VWA3A: variants seen among roughly 807,000 people sequenced by gnomAD.
VWA3A encodes the protein von Willebrand factor A domain-containing protein 3A.
A neutral mutation model predicts 160.4 loss-of-function variants in VWA3A; 134 were observed. The observed-to-expected ratio is 0.84, with a 90% CI of 0.73 to 0.96. The LOEUF is 0.96. VWA3A is among the 40% of genes least tolerant of loss of function. VWA3A has a pLI of 0.00. For missense variants in VWA3A, 1,310 were observed against 1,447.9 expected, an observed-to-expected ratio of 0.90 and a Z score of 1.55; for synonymous variants, 476 against 543.4, an observed-to-expected ratio of 0.88 and a Z score of 1.72.
At chr16:22,154,106 A>C (rs993938667) in intron 31 of VWA3A, among the ~76,000 whole-genome samples, 1 of 152,090 alleles carries the variant, frequency 6.6e-6, no homozygotes, top group African/African-American at 2.4e-5. Context: ...TCTAGGGACA[A>C]GTATTATAAA....
At chr16:22,134,772 C>G (rs2046011684) in intron 21 of VWA3A, among the ~76,000 whole-genome samples, 1 of 152,174 alleles carries the variant, frequency 6.6e-6, no homozygotes, top group Non-Finnish European at 1.5e-5. Flanking sequence ...AGACTGAACT[C>G]AACTCTAAAT....
chr16:22,116,094 G>GAGAA lies in VWA3A; in HGVS notation c.815+636_815+639dup, dbSNP rs959996648. On this transcript the variant is annotated intron_variant, in intron 9 of 33. Transcript: ENST00000389398. ...TGGCAGTCACAGGCAGAAAGAAAGA[G>GAGAA]AGAAAGAAAGAAAGAAACAAGAAAA... Among the ~76,000 whole-genome samples the GAGAA allele has an allele frequency of 1.4e-4, 20 of 146,726 alleles. No homozygotes were observed. In the East Asian group the frequency reaches 3.4e-3, roughly 25 times the overall value.
chr16:22,118,876 T>C (rs781005700), intron 11 of VWA3A, 26 bp from the exon 12 acceptor site: 1 of 1,613,452 alleles, frequency 6.2e-7, no homozygotes, highest in South Asian at 1.1e-5. Context: ...TGATTCCGGA[T>C]GTCTGATTGC....
At chr16:22,116,251 T>C (rs1387420888) in intron 9 of VWA3A, 6 of 336,182 alleles carry the variant, frequency 1.8e-5, no homozygotes, top group South Asian at 1.2e-4. Context: ...GAAGGAAAGA[T>C]GGAAGAGAGA....
intron 1 of VWA3A, among the ~76,000 whole-genome samples, chr16:22,092,882 G>A (rs574109432): frequency 9.2e-5 from 14 of 152,184 alleles, no homozygotes; most frequent in Non-Finnish European, 1.8e-4. Context: ...AAGGGGCAGC[G>A]ACAGGAGGAC....
chr16:22,096,412 T>G (rs577460249), intron 1 of VWA3A, among the ~76,000 whole-genome samples: 1 of 152,226 alleles, frequency 6.6e-6, no homozygotes, highest in East Asian at 1.9e-4. Context: ...ATAAGTTATG[T>G]TAGCACCACA....
chr16:22,140,176 G>A lies in VWA3A; in HGVS notation c.2315G>A (p.Arg772Lys). 6.2e-7 allele frequency: 1 copy of A among 1,613,686 alleles called. No individual in the cohort carries two copies. Among genetic ancestry groups the A allele is most frequent in the Non-Finnish European group, 8.5e-7 (1 of 1,179,756 alleles). ...ARMSIKDDPD[R>K]EKSPPLKSLK... ...TAGAGCATTAAAGATGACCCTGACAGAGAGAAGAGCCCCCCGCTGAAATCT... is the reference window on the plus strand; with the variant it reads ...TAGAGCATTAAAGATGACCCTGACAAAGAGAAGAGCCCCCCGCTGAAATCT... The change falls in exon 23 of 34, where the codon AGA (arginine) becomes AAA (lysine). Residue 772 changes from arginine (R) to lysine (K), a missense_variant. By Grantham distance (26) the Arg-to-Lys change is conservative. Transcript: ENST00000389398.
intron 2 of VWA3A, 85 bp from the exon 3 acceptor site, chr16:22,097,487 G>T: frequency 6.6e-7 from 1 of 1,506,786 alleles, no homozygotes; most frequent in Non-Finnish European, 8.9e-7. Context: ...TCCTTGTAGG[G>T]ACTAGGGCAA....
At position 22,133,912 on chromosome 16, in the gene VWA3A, AGGGT is replaced by A. The variant is rs112410779; in HGVS notation, c.2069-453_2069-450del. Among the ~76,000 whole-genome samples the A allele has an allele frequency of 5.5e-4, 83 of 152,278 alleles. 1 individual carries two copies. Among genetic ancestry groups the A allele is most frequent in the African/African-American group, 1.9e-3 (80 of 41,566 alleles). ...GAACATCCCTTAGATTGTTTTTCAA[AGGGT>A]GGTGTGTTCACAGCACATGGTTGGC... On this transcript the variant is annotated intron_variant, in intron 20 of 33. Coordinates refer to ENST00000389398, the MANE Select transcript of VWA3A (RefSeq NM_173615.5).
chr16:22,142,867 C>G, intron 25 of VWA3A, 102 bp downstream of exon 25: 2 of 898,546 alleles, frequency 2.2e-6, no homozygotes, highest in Admixed American at 4.2e-5. Context: ...GAAATGAGAA[C>G]AAGCCAGGCA....
At chr16:22,143,822 C>A (rs994591015) in intron 25 of VWA3A, among the ~76,000 whole-genome samples, 2 of 151,018 alleles carry the variant, frequency 1.3e-5, no homozygotes, top group Non-Finnish European at 2.9e-5. Context: ...ATCACTGCAA[C>A]CTCCGCCTCC....
At chr16:22,129,144 C>T (rs541714324) in intron 17 of VWA3A, among the ~76,000 whole-genome samples, 94 of 152,014 alleles carry the variant, frequency 6.2e-4, no homozygotes, top group Non-Finnish European at 1.2e-3. Context: ...AATCCCAGCA[C>T]TTTGAGAGGC....
intron 12 of VWA3A, 75 bp from the exon 13 acceptor site, chr16:22,120,893 G>A: frequency 6.4e-7 from 1 of 1,560,450 alleles, no homozygotes. Context: ...GCATTGACTG[G>A]GTGGAGGGTG....
chr16:22,097,463 A>G, intron 2 of VWA3A, 109 bp from the exon 3 acceptor site: 1 of 1,412,754 alleles, frequency 7.1e-7, no homozygotes, highest in Non-Finnish European at 9.4e-7. Context: ...CTGCACAGAA[A>G]AATGTTTCTA....
chr16:22,148,422 G>A (rs1340461110), intron 28 of VWA3A, 116 bp downstream of exon 28: 21 of 1,374,690 alleles, frequency 1.5e-5, no homozygotes, highest in Non-Finnish European at 1.9e-5. Context: ...ATGCTCTTCT[G>A]AGTAACGCGT....
At position 22,109,548 on chromosome 16, in the gene VWA3A, C is replaced by T. The variant is rs763781374; in HGVS notation, c.550C>T (p.Pro184Ser). The T allele has an allele frequency of 8.7e-6, 14 of 1,613,542 alleles. No individual in the cohort carries two copies. The highest frequency in any genetic ancestry group is 1.1e-5 in the Non-Finnish European group (13 of 1,179,854). ...LIDVSAISSGPQKEEFQKDLM... is the reference protein window; with the variant it reads ...LIDVSAISSGSQKEEFQKDLM... ...AGATGTGTCAGCCATCAGCAGTGGC[C>T]CTCAGAAAGAAGAGTTCCAAAAGGA... The change falls in exon 7 of 34, where the codon CCT (proline) becomes TCT (serine). Residue 184 changes from proline (P) to serine (S), a missense_variant. Physicochemically the swap from Pro to Ser is moderately conservative, Grantham distance 74. Coordinates refer to ENST00000389398, the MANE Select transcript of VWA3A (RefSeq NM_173615.5).
chr16:22,142,065 T>C (rs565079417), intron 24 of VWA3A, among the ~76,000 whole-genome samples: 3 of 152,284 alleles, frequency 2.0e-5, no homozygotes, highest in Admixed American at 2.0e-4. Context: ...AATTCATTGC[T>C]AGGCAGGAGG....
At chr16:22,109,326 TG>T (rs985256071) in intron 6 of VWA3A, among the ~76,000 whole-genome samples, 155 bp from the exon 7 acceptor site, 6 of 152,170 alleles carry the variant, frequency 3.9e-5, no homozygotes, top group Admixed American at 3.9e-4. Flanking sequence ...GTCATGACAT[TG>T]GGTTTTGCTT....
At chr16:22,140,004 G>T (rs2046114433) in intron 22 of VWA3A, 150 bp from the exon 23 acceptor site, 1 of 652,870 alleles carries the variant, frequency 1.5e-6, no homozygotes, top group Non-Finnish European at 2.7e-6. Flanking sequence ...TGAATCTGCT[G>T]CAGGAGAGGG....
Sources: gnomAD v4.1 joint callset for allele counts (sites outside exome capture counted in the v4.1 genomes callset) on GRCh38, gnomAD v4.1.1 for gene constraint, MANE v1.5 for transcripts, NCBI Gene and HGNC (gene_info 2026-07-23, HGNC 2026-07-21) for gene names.